The following RTN3 variants were observed in gnomAD, a reference collection of about 807,000 sequenced individuals.
RTN3 encodes reticulon 3.
A neutral mutation model predicts 77.8 loss-of-function variants in RTN3; 49 were observed. That is an observed-to-expected ratio of 0.63 (90% confidence interval 0.50 to 0.80). The LOEUF is 0.80. Among genes scored for constraint, RTN3 ranks in the 30% least tolerant of loss-of-function variants. The pLI, the probability that RTN3 is intolerant of heterozygous loss-of-function variation, is 0.00. For synonymous variants in RTN3, 464 were observed against 446.9 expected, an observed-to-expected ratio of 1.04 and a Z score of -0.48; for missense variants, 1,236 against 1,211.9, an observed-to-expected ratio of 1.02 and a Z score of -0.29.
intron 3 of RTN3, among the ~76,000 whole-genome samples, chr11:63,734,781 A>ACGCC (rs778043704): frequency 9.5e-6 from 1 of 105,000 alleles, no homozygotes; most frequent in Non-Finnish European, 2.0e-5. Context: ...ACACACACAC[A>ACGCC]CCATACTGGA....
Position 63,718,795 on chromosome 11 carries a change from C to A in RTN3, c.293C>A (p.Thr98Lys). The A allele has an allele frequency of 6.2e-7, 1 of 1,613,676 alleles. No homozygotes were observed. Among genetic ancestry groups the A allele is most frequent in the Non-Finnish European group, 8.5e-7 (1 of 1,179,942 alleles). Residue 98 changes from threonine to lysine, a missense_variant, in exon 3 of 9, where the codon ACA becomes AAA. Transcript: ENST00000377819. ...TCTGAAATACATAACACTGGCCTTA[C>A]AATACTACATGGAGAAAAAAGCCAT... The part of the protein sequence containing the change: ...SSSEIHNTGL[T>K]ILHGEKSHVL...
intron 1 of RTN3, among the ~76,000 whole-genome samples, chr11:63,702,835 G>A (rs1942310597): frequency 6.6e-6 from 1 of 151,710 alleles, no homozygotes; most frequent in African/African-American, 2.4e-5. Context: ...ACAGGTGCCC[G>A]CCACCACGCC....
chr11:63,749,416 A>G (rs545573168), intron 3 of RTN3, among the ~76,000 whole-genome samples: 1 of 152,154 alleles, frequency 6.6e-6, no homozygotes, highest in Non-Finnish European at 1.5e-5. Flanking sequence ...GTCTATTTTT[A>G]TTTACCACTT....
chr11:63,683,646 A>G (rs1458951254), intron 1 of RTN3, among the ~76,000 whole-genome samples: 10 of 152,360 alleles, frequency 6.6e-5, no homozygotes, highest in South Asian at 6.2e-4. Flanking sequence ...ACACAGGCAT[A>G]CCACAACCTA....
At chr11:63,706,710 A>G (rs1942509293) in intron 2 of RTN3, among the ~76,000 whole-genome samples, 2 of 152,144 alleles carry the variant, frequency 1.3e-5, no homozygotes, top group South Asian at 2.1e-4. Context: ...GGAACTTGAC[A>G]ATATTTTTAT....
At chr11:63,701,510 C>T (rs896041802) in intron 1 of RTN3, among the ~76,000 whole-genome samples, 2 of 152,090 alleles carry the variant, frequency 1.3e-5, no homozygotes, top group Non-Finnish European at 2.9e-5. Context: ...GTGAACAGTT[C>T]TACAGGCTTT....
intron 2 of RTN3, among the ~76,000 whole-genome samples, chr11:63,706,894 CTTTTTTCTTTTTT>C (rs1942521278): frequency 6.9e-6 from 1 of 145,486 alleles, no homozygotes; most frequent in African/African-American, 2.6e-5. Context: ...TTTTTCTTTT[CTTTTTTCTTTTTT>C]TTTTTTTGAG....
intron 3 of RTN3, among the ~76,000 whole-genome samples, chr11:63,737,849 T>C (rs2013231372): frequency 6.6e-6 from 1 of 152,250 alleles, no homozygotes; most frequent in Non-Finnish European, 1.5e-5. Flanking sequence ...TCTGGCCTGC[T>C]GCCAGACTTA....
intron 1 of RTN3, among the ~76,000 whole-genome samples, chr11:63,693,282 G>A (rs143769430): frequency 0.026 from 4,023 of 152,162 alleles, 183 homozygotes; most frequent in African/African-American, 0.092. Context: ...TCAGGAGTTC[G>A]AGACCAGCCT....
intron 2 of RTN3, among the ~76,000 whole-genome samples, chr11:63,712,668 A>T (rs986502015): frequency 6.6e-6 from 1 of 151,738 alleles, no homozygotes; most frequent in Non-Finnish European, 1.5e-5. Context: ...TTGTATTTTT[A>T]GTAGAGATGG....
intron 7 of RTN3, among the ~76,000 whole-genome samples, chr11:63,753,981 A>T (rs2014234348): frequency 6.6e-6 from 1 of 152,196 alleles, no homozygotes; most frequent in Admixed American, 6.5e-5. Flanking sequence ...TTTTCTATGC[A>T]AAAGTAATAA....
Position 63,720,600 on chromosome 11 carries a change from G to A in RTN3, c.2098G>A (p.Gly700Ser), listed in dbSNP as rs2011701561. 1 of 1,613,780 alleles carries A rather than the reference G, an allele frequency of 6.2e-7. No individual in the cohort carries two copies. Among genetic ancestry groups the A allele is most frequent in the African/African-American group, 1.3e-5 (1 of 74,894 alleles). The part of the protein sequence containing the change: ...VEVLHENESG[G>S]SEIKDIGSKY... ...AGTCTTACATGAAAATGAGTCCGGTGGTTCTGAAATTAAAGACATTGGAAG... is the reference window on the plus strand; with the variant it reads ...AGTCTTACATGAAAATGAGTCCGGTAGTTCTGAAATTAAAGACATTGGAAG... The change falls in exon 3 of 9, where the codon GGT becomes AGT. Residue 700 changes from glycine to serine, a missense_variant. Physicochemically the swap from Gly to Ser is moderately conservative, Grantham distance 56. This residue lies in a region of RTN3 where 1,056 missense variants were observed against 990.4 expected (regional missense o/e 1.07). Coordinates refer to ENST00000377819, the MANE Select transcript of RTN3 (RefSeq NM_001265589.2).
intron 1 of RTN3, among the ~76,000 whole-genome samples, chr11:63,691,055 A>G (rs1021286340): frequency 4.0e-5 from 6 of 150,446 alleles, no homozygotes; most frequent in African/African-American, 1.5e-4. Flanking sequence ...TCTGACAACT[A>G]TTAATCTGCT....
intron 2 of RTN3, among the ~76,000 whole-genome samples, chr11:63,710,119 G>A (rs1464764936): frequency 1.3e-5 from 2 of 152,084 alleles, no homozygotes; most frequent in African/African-American, 4.8e-5. Flanking sequence ...AGACACTTTG[G>A]GGAAAAAGAA....
At chr11:63,716,923 C>T (rs1215887802) in intron 2 of RTN3, among the ~76,000 whole-genome samples, 5 of 146,678 alleles carry the variant, frequency 3.4e-5, no homozygotes, top group African/African-American at 1.3e-4. Context: ...GAGCAGAGAT[C>T]GCGCCACTAC....
At chr11:63,752,843 A>G (rs980514214) in intron 5 of RTN3, among the ~76,000 whole-genome samples, 198 bp downstream of exon 5, 24 of 152,342 alleles carry the variant, frequency 1.6e-4, no homozygotes, top group African/African-American at 5.3e-4. Flanking sequence ...GAGAGGTGAT[A>G]TAATTGGAAG....
In RTN3 at chr11:63,744,271, G is replaced by A. The variant is rs559260342; in HGVS notation, c.2531-5720G>A. Reference sequence around the variant, plus strand: ...AAAAAAAAAAAAAAAAAAAAAGTGGGAAAGGAAGGAAAGATAACACATTAA... The same window carrying A: ...AAAAAAAAAAAAAAAAAAAAAGTGGAAAAGGAAGGAAAGATAACACATTAA... On this transcript the variant is annotated intron_variant, in intron 3 of 8. Coordinates refer to ENST00000377819, the MANE Select transcript of RTN3 (RefSeq NM_001265589.2). Among the ~76,000 whole-genome samples, 45 of 148,452 alleles carry A rather than the reference G, an allele frequency of 3.0e-4. No homozygotes were observed. The South Asian group carries it at 6.4e-3, about 21-fold the overall frequency.
chr11:63,701,809 G>A (rs187044424), intron 1 of RTN3, among the ~76,000 whole-genome samples: 16 of 152,276 alleles, frequency 1.1e-4, no homozygotes, highest in Non-Finnish European at 2.1e-4. Context: ...TCTGGGCGTA[G>A]TGGTGCACAC....
At chr11:63,755,646 C>T (rs1295258864) in intron 7 of RTN3, among the ~76,000 whole-genome samples, 4 of 92,968 alleles carry the variant, frequency 4.3e-5, no homozygotes, top group Admixed American at 2.6e-4. Context: ...AACAAAATTC[C>T]ATCTCAAAAA....
Sources: gnomAD v4.1 joint callset for allele counts (sites outside exome capture counted in the v4.1 genomes callset) on GRCh38, gnomAD v4.1.1 for gene constraint, gnomAD v4.1.1 regional missense constraint, MANE v1.5 for transcripts, NCBI Gene and HGNC (gene_info 2026-07-23, HGNC 2026-07-21) for gene names.